The following RARB variants were observed in gnomAD, a reference collection of about 807,000 sequenced individuals.
RARB encodes the protein HBV-activated protein.
A neutral mutation model predicts 51.9 loss-of-function variants in RARB; 17 were observed. That is an observed-to-expected ratio of 0.33 (90% confidence interval 0.22 to 0.49). RARB has a LOEUF of 0.49. Ranked by LOEUF, RARB falls within the 20% of genes least tolerant of loss-of-function variation. The pLI is 0.99. For synonymous variants in RARB, 215 were observed against 195.4 expected, an observed-to-expected ratio of 1.10 and a Z score of -0.84; for missense variants, 369 against 550.8, an observed-to-expected ratio of 0.67 and a Z score of 3.30.
intron 4 of RARB, among the ~76,000 whole-genome samples, chr3:25,574,311 T>C (rs1182648135): frequency 6.6e-6 from 1 of 152,214 alleles, no homozygotes; most frequent in Non-Finnish European, 1.5e-5. Flanking sequence ...ATCTGTATAA[T>C]GGGAGTTTTA....
At chr3:25,209,750 C>T (rs773413769) in intron 5 of RARB, among the ~76,000 whole-genome samples, 1 of 152,142 alleles carries the variant, frequency 6.6e-6, no homozygotes, top group African/African-American at 2.4e-5. Flanking sequence ...AGACCAAGTT[C>T]TCAGACTTGC....
intron 2 of RARB, among the ~76,000 whole-genome samples, chr3:24,934,170 T>C (rs1695501125): frequency 6.6e-6 from 1 of 152,146 alleles, no homozygotes; most frequent in Admixed American, 6.6e-5. Context: ...GCTGTGTCCT[T>C]GGTCCTAGCT....
intron 2 of RARB, among the ~76,000 whole-genome samples, chr3:25,007,982 G>A (rs1697312206): frequency 6.6e-6 from 1 of 151,786 alleles, no homozygotes; most frequent in Non-Finnish European, 1.5e-5. Context: ...GGTGGTTGTG[G>A]GTATGTTAAA....
chr3:25,446,292 C>T (rs944266201), intron 1 of RARB, among the ~76,000 whole-genome samples: 1 of 152,150 alleles, frequency 6.6e-6, no homozygotes, highest in South Asian at 2.1e-4. Context: ...GTTTTTATTT[C>T]CTTTATCTTA....
At chr3:25,364,223 A>T (rs1415399311) in intron 5 of RARB, among the ~76,000 whole-genome samples, 1 of 152,166 alleles carries the variant, frequency 6.6e-6, no homozygotes, top group African/African-American at 2.4e-5. Context: ...CCACTGCTAA[A>T]TCCCAAGTGC....
At chr3:24,990,794 A>G (rs556651277) in intron 2 of RARB, among the ~76,000 whole-genome samples, 21 of 152,280 alleles carry the variant, frequency 1.4e-4, no homozygotes, top group African/African-American at 5.1e-4. Context: ...TAAACTTCAA[A>G]TTTGACAAGC....
intron 5 of RARB, among the ~76,000 whole-genome samples, chr3:25,396,182 AG>A (rs1443131328): frequency 6.6e-6 from 1 of 152,162 alleles, no homozygotes; most frequent in Non-Finnish European, 1.5e-5. Context: ...TATAATGGGG[AG>A]GGTCTGTAAA....
At chr3:25,471,051 A>C (rs1207321057) in intron 2 of RARB, among the ~76,000 whole-genome samples, 1 of 152,258 alleles carries the variant, frequency 6.6e-6, no homozygotes, top group East Asian at 1.9e-4. Flanking sequence ...ATAATAATGC[A>C]AATAGTATAT....
intron 2 of RARB, among the ~76,000 whole-genome samples, chr3:24,865,863 T>C (rs1050519289): frequency 3.3e-5 from 5 of 152,166 alleles, no homozygotes; most frequent in Admixed American, 6.5e-5. Flanking sequence ...GCCTGAGACA[T>C]GTTGGGTCAG....
At chr3:25,574,564 G>A (rs1270264381) in intron 4 of RARB, among the ~76,000 whole-genome samples, 2 of 152,176 alleles carry the variant, frequency 1.3e-5, no homozygotes, top group South Asian at 2.1e-4. Context: ...GCTCCGGGCC[G>A]CCTCTGCTCC....
chr3:25,327,836 G>C (rs1704770852), intron 5 of RARB, among the ~76,000 whole-genome samples: 1 of 152,154 alleles, frequency 6.6e-6, no homozygotes, highest in South Asian at 2.1e-4. Flanking sequence ...TTTGACTATA[G>C]GCAAGTAATA....
intron 5 of RARB, among the ~76,000 whole-genome samples, chr3:25,351,127 G>A (rs143818891): frequency 1.6e-3 from 248 of 152,220 alleles, no homozygotes; most frequent in African/African-American, 5.8e-3. Context: ...CCTTATCCTT[G>A]CTAAGACTGG....
chr3:24,982,009 T>A (rs998768181), intron 2 of RARB, among the ~76,000 whole-genome samples: 2 of 152,174 alleles, frequency 1.3e-5, no homozygotes, highest in South Asian at 2.1e-4. Context: ...ACCTGGGGAA[T>A]CTTGGCTCTG....
chr3:24,955,225 C>G (rs1204221637), intron 2 of RARB, among the ~76,000 whole-genome samples: 1 of 152,220 alleles, frequency 6.6e-6, no homozygotes, highest in African/African-American at 2.4e-5. Context: ...CCAGCTGTCT[C>G]TAGCCAGGCT....
intron 2 of RARB, among the ~76,000 whole-genome samples, chr3:25,462,999 G>A (rs776109346): frequency 1.4e-4 from 22 of 152,146 alleles, no homozygotes; most frequent in Non-Finnish European, 2.5e-4. Flanking sequence ...CTCAACTTTT[G>A]TTCTTCTTTT....
chr3:25,376,887 C>T (rs1292487134), intron 5 of RARB, among the ~76,000 whole-genome samples: 1 of 152,230 alleles, frequency 6.6e-6, no homozygotes, highest in Non-Finnish European at 1.5e-5. Context: ...GGTCCCATTT[C>T]TAACCCCCTA....
intron 4 of RARB, among the ~76,000 whole-genome samples, chr3:25,577,211 C>T (rs1305927146): frequency 1.3e-5 from 2 of 152,168 alleles, no homozygotes; most frequent in African/African-American, 2.4e-5. Context: ...GGTTCGCCCG[C>T]GGGATCTTGC....
intron 5 of RARB, among the ~76,000 whole-genome samples, chr3:25,587,240 G>T (rs1701426490): frequency 6.6e-6 from 1 of 152,178 alleles, no homozygotes; most frequent in African/African-American, 2.4e-5. Flanking sequence ...GTAAGCCTAG[G>T]CTGCCTTTAT....
At chr3:25,089,034 G>A (rs529620240) in intron 3 of RARB, among the ~76,000 whole-genome samples, 1 of 151,736 alleles carries the variant, frequency 6.6e-6, no homozygotes. Context: ...GTAAGAGTCT[G>A]TGAAACTTTC....
Sources: gnomAD v4.1 joint callset for allele counts (sites outside exome capture counted in the v4.1 genomes callset) on GRCh38, gnomAD v4.1.1 for gene constraint, MANE v1.5 for transcripts, NCBI Gene and HGNC (gene_info 2026-07-23, HGNC 2026-07-21) for gene names.